Variants in CASQ1 observed in about 807,000 individuals in gnomAD.
The protein encoded by CASQ1 is calsequestrin-1.
Under a neutral mutation model 49.5 loss-of-function variants are expected in CASQ1, and 40 were observed. The ratio of observed to expected loss-of-function variants is 0.81; its 90% confidence interval spans 0.63 to 1.05. CASQ1 has a LOEUF of 1.05. CASQ1 is among the 50% of genes least tolerant of loss of function. The pLI is 0.00. For synonymous variants in CASQ1, 174 were observed against 187.2 expected, an observed-to-expected ratio of 0.93 and a Z score of 0.58; for missense variants, 469 against 486.9, an observed-to-expected ratio of 0.96 and a Z score of 0.35.
At chr1:160,193,698 C>G (rs1654133068) in intron 2 of CASQ1, 49 bp from the exon 3 acceptor site, 3 of 1,094,180 alleles carry the variant, frequency 2.7e-6, no homozygotes, top group Non-Finnish European at 2.7e-6. Context: ...TGTGGGAAGC[C>G]TGGGATCATG....
Position 160,199,017 on chromosome 1 carries a change from T to C in CASQ1, c.948T>C (p.Leu316=). The C allele has an allele frequency of 6.2e-7, 1 of 1,613,058 alleles. No homozygotes were observed. Among genetic ancestry groups the C allele is most frequent in the Non-Finnish European group, 8.5e-7 (1 of 1,178,978 alleles). The change falls in exon 9 of 11, where the codon CTT becomes CTC. Residue 316 remains leucine (L), a synonymous_variant. Coordinates refer to ENST00000368078, the MANE Select transcript of CASQ1 (RefSeq NM_001231.5). ...AAGATAACACTGAAAACCCAGATCT[T>C]AGCATCATCTGGATTGACCCTGATG... The part of the protein sequence containing the change: ...VAQDNTENPD[L]SIIWIDPDDF...
chr1:160,192,926 A>G, intron 2 of CASQ1, 40 bp downstream of exon 2: 2 of 1,542,102 alleles, frequency 1.3e-6, no homozygotes, highest in Non-Finnish European at 1.8e-6. Flanking sequence ...GGTGGCATTG[A>G]GACAAGGGGA....
chr1:160,201,093 TA>T (rs1654360516), intron 10 of CASQ1, 151 bp from the exon 11 acceptor site: 1 of 710,362 alleles, frequency 1.4e-6, no homozygotes, highest in East Asian at 2.9e-5. Flanking sequence ...CCATAACCCA[TA>T]CCTTCACCTG....
At chr1:160,194,576 A>C (rs1468157223) in intron 3 of CASQ1, among the ~76,000 whole-genome samples, 2 of 143,632 alleles carry the variant, frequency 1.4e-5, no homozygotes, top group Non-Finnish European at 3.0e-5. Flanking sequence ...CCTGCACACC[A>C]CACATGCACA....
rs1279347072 is a variant in CASQ1, at chr1:160,195,030, G to A, written c.484G>A (p.Glu162Lys). 4.3e-6 allele frequency: 7 copies of A among 1,610,990 alleles called. No individual in the cohort carries two copies. Among genetic ancestry groups the A allele is most frequent in the Non-Finnish European group, 5.9e-6 (7 of 1,177,994 alleles). ...FLLDVLEDPVELIEGERELQA... is the reference protein window; with the variant it reads ...FLLDVLEDPVKLIEGERELQA... ...CTTTCAGGTCCTAGAGGACCCTGTG[G>A]AATTGATTGAAGGTGAACGAGAGCT... Residue 162 changes from glutamate (E) to lysine (K), a missense_variant, in exon 4 of 11, where the codon GAA becomes AAA. Physicochemically the swap from Glu to Lys is moderately conservative, Grantham distance 56. Transcript: ENST00000368078.
chr1:160,192,625 A>G (rs1285116868), intron 1 of CASQ1, 177 bp from the exon 2 acceptor site: 2 of 627,152 alleles, frequency 3.2e-6, no homozygotes, highest in Non-Finnish European at 5.7e-6. Context: ...AAGTTGAGCC[A>G]AAAACAGAAC....
chr1:160,197,278 T>A (rs550075584), intron 6 of CASQ1, among the ~76,000 whole-genome samples: 1 of 152,168 alleles, frequency 6.6e-6, no homozygotes, highest in African/African-American at 2.4e-5. Flanking sequence ...TCAATCATAG[T>A]GAGTGAGTGA....
intron 6 of CASQ1, among the ~76,000 whole-genome samples, chr1:160,197,226 T>C (rs114544013): frequency 3.7e-4 from 56 of 152,360 alleles, no homozygotes; most frequent in African/African-American, 1.3e-3. Flanking sequence ...TTCAACTGTA[T>C]GTACCCAGCA....
intron 6 of CASQ1, among the ~76,000 whole-genome samples, chr1:160,196,392 G>T (rs891631479): frequency 6.6e-6 from 1 of 152,034 alleles, no homozygotes; most frequent in South Asian, 2.1e-4. Flanking sequence ...CTCAGTGAAA[G>T]TTTCTACAGG....
chr1:160,195,018 G>A lies in CASQ1; in HGVS notation c.472G>A (p.Glu158Lys), dbSNP rs1064796446. The change falls in exon 4 of 11, where the codon GAG (glutamate) becomes AAG (lysine). Residue 158 changes from glutamate (E) to lysine (K), a missense_variant. Transcript: ENST00000368078. ...CAATGTCCTCCTCTTTCAGGTCCTAGAGGACCCTGTGGAATTGATTGAAGG... is the reference window on the plus strand; with the variant it reads ...CAATGTCCTCCTCTTTCAGGTCCTAAAGGACCCTGTGGAATTGATTGAAGG... The part of the protein sequence containing the change: ...TIVEFLLDVL[E>K]DPVELIEGER... 16 of 1,600,968 alleles carry A rather than the reference G, an allele frequency of 1.0e-5. No homozygotes were observed. The highest frequency in any genetic ancestry group is 1.3e-5 in the Non-Finnish European group (15 of 1,170,268).
In CASQ1 at chr1:160,195,166, C is replaced by A. The variant is rs751961878; in HGVS notation, c.577+43C>A. The A allele has an allele frequency of 3.0e-5, 37 of 1,251,278 alleles. No homozygotes were observed. In the South Asian group the frequency reaches 4.7e-4, roughly 16 times the overall value. 77.5% of individuals were successfully genotyped at this position (1,251,278 alleles called of 1,614,324 possible). A position where few individuals can be genotyped will look rare whatever the true frequency, so the allele number is the denominator to read the frequency against. On this transcript the variant is annotated intron_variant, in intron 4 of 10. Transcript: ENST00000368078. Reference sequence around the variant, plus strand: ...TCCACTGTGCCCCTCTCTGGATCCCCATCTCACCTGTCCTCCCACCTCCCC... The same window carrying A: ...TCCACTGTGCCCCTCTCTGGATCCCAATCTCACCTGTCCTCCCACCTCCCC...
intron 4 of CASQ1, 99 bp downstream of exon 4, chr1:160,195,222 G>A (rs972579652): frequency 1.2e-6 from 1 of 805,380 alleles, no homozygotes. Flanking sequence ...CTCTACCTCT[G>A]CACTTCCCAC....
Position 160,199,885 on chromosome 1 carries a change from A to G in CASQ1, c.1019A>G (p.Asp340Gly). Residue 340 changes from aspartate to glycine, a missense_variant, in exon 10 of 11, where the codon GAC (aspartate) becomes GGC (glycine). By Grantham distance (94) the Asp-to-Gly change is moderately conservative (BLOSUM62 -1). Coordinates refer to ENST00000368078, the MANE Select transcript of CASQ1 (RefSeq NM_001231.5). ...VPYWEKTFDIDLSAPQIGVVN... is the reference protein window; with the variant it reads ...VPYWEKTFDIGLSAPQIGVVN... ...TACTGGGAGAAGACGTTTGACATCG[A>G]CTTGTCAGCCCCACAAATAGGAGTC... The G allele has an allele frequency of 6.2e-7, 1 of 1,613,752 alleles. No homozygotes were observed. Among genetic ancestry groups the G allele is most frequent in the Non-Finnish European group, 8.5e-7 (1 of 1,179,656 alleles).
Position 160,195,773 on chromosome 1 carries a change from C to T in CASQ1, c.652-124C>T. ...AAGTTAAGACACTTGTCAGGTGTCA[C>T]AGTGGCAGTGACAAGGATCCCGGCT... On this transcript the variant is annotated intron_variant, in intron 5 of 10. Transcript: ENST00000368078. 3 of 1,113,814 alleles carry T rather than the reference C, an allele frequency of 2.7e-6. No homozygotes were observed. The South Asian group carries it at 4.4e-5, about 16-fold the overall frequency. 69.0% of individuals were successfully genotyped at this position (1,113,814 alleles called of 1,614,324 possible). A position where few individuals can be genotyped will look rare whatever the true frequency, so the allele number is the denominator to read the frequency against.
At chr1:160,201,155 G>A (rs946949118) in intron 10 of CASQ1, 90 bp from the exon 11 acceptor site, 7 of 1,330,130 alleles carry the variant, frequency 5.3e-6, no homozygotes, top group South Asian at 1.3e-5. Context: ...GAGAATGTAG[G>A]GAAGGATGTA....
At position 160,196,035 on chromosome 1, in the gene CASQ1, C is replaced by G; in HGVS notation, c.782+8C>G. ...CGTGGAGGAGCACAGGAGGTGGGGA[C>G]CAAGGGCAACCCTCTCAGCGGGGTC... On this transcript the variant is annotated splice_region_variant and intron_variant, in intron 6 of 10. Coordinates refer to ENST00000368078, the MANE Select transcript of CASQ1 (RefSeq NM_001231.5). The G allele has an allele frequency of 6.2e-7, 1 of 1,613,324 alleles. No individual in the cohort carries two copies. Among genetic ancestry groups the G allele is most frequent in the Non-Finnish European group, 8.5e-7 (1 of 1,179,628 alleles).
chr1:160,200,015 C>G, intron 10 of CASQ1, 90 bp downstream of exon 10: 2 of 884,976 alleles, frequency 2.3e-6, no homozygotes, highest in Admixed American at 3.6e-5. Flanking sequence ...AGGAGTTGGG[C>G]CCTTCTCACA....
At chr1:160,191,270 G>T (rs974646851) in intron 1 of CASQ1, among the ~76,000 whole-genome samples, 3 of 152,134 alleles carry the variant, frequency 2.0e-5, no homozygotes, top group Non-Finnish European at 4.4e-5. Flanking sequence ...GCTGCAGGAA[G>T]AGCTCCCCTC....
chr1:160,191,140 T>A, intron 1 of CASQ1, 110 bp downstream of exon 1: 1 of 1,193,872 alleles, frequency 8.4e-7, no homozygotes, highest in Non-Finnish European at 1.2e-6. Flanking sequence ...TGAGGGGCAG[T>A]GTGGTAGGAA....
Sources: allele counts gnomAD v4.1 joint callset (sites outside exome capture counted in the v4.1 genomes callset), GRCh38; gene constraint gnomAD v4.1.1; transcripts MANE v1.5; gene names NCBI Gene and HGNC (gene_info 2026-07-23, HGNC 2026-07-21).